The following KANK2 variants were observed in gnomAD, a reference collection of about 807,000 sequenced individuals.
KANK2 encodes the protein KN motif and ankyrin repeat domains 2.
In KANK2, 41 loss-of-function variants were observed where a neutral mutation model predicts 74.6. That is an observed-to-expected ratio of 0.55 (90% CI 0.43 to 0.71). The LOEUF is 0.71. KANK2 is among the 30% of genes least tolerant of loss of function. The pLI is 0.00. For synonymous variants in KANK2, 537 were observed against 519.0 expected (o/e 1.03, Z -0.47); for missense variants, 1,148 against 1,196.4 (o/e 0.96, Z 0.60).
chr19:11,171,403 C>A (rs1159470128), intron 10 of KANK2, among the ~76,000 whole-genome samples: 4 of 151,896 alleles, frequency 2.6e-5, no homozygotes, highest in Non-Finnish European at 5.9e-5. Context: ...GCTGTGATTG[C>A]ACCACTGCAC....
At chr19:11,179,725 C>T (rs2147480059) in intron 4 of KANK2, among the ~76,000 whole-genome samples, 1 of 152,216 alleles carries the variant, frequency 6.6e-6, no homozygotes, top group South Asian at 2.1e-4. Flanking sequence ...AACACCCACC[C>T]AGGTTGGTCT....
rs553876324 is a variant in KANK2 at position 11,166,693 on chromosome 19, A to G, written c.2503-82T>C. The G allele has an allele frequency of 1.5e-4, 205 of 1,335,770 alleles. No individual in the cohort carries two copies. In the Middle Eastern group the frequency reaches 2.5e-3, roughly 16 times the overall value. The allele number at this position is 1,335,770 out of a possible 1,614,324, so 82.7% of individuals were successfully genotyped here. A position where few individuals can be genotyped will look rare whatever the true frequency, so the allele number is the denominator to read the frequency against. On this transcript the variant is annotated intron_variant, in intron 12 of 12. Transcript: ENST00000586659. ...GCCAACGTGGTGGCTGGCCTGGTAGATATGATGGGTAAGCAGGAGGGAGGC... is the reference window on the plus strand; with the variant it reads ...GCCAACGTGGTGGCTGGCCTGGTAGGTATGATGGGTAAGCAGGAGGGAGGC...
chr19:11,166,258 C>T lies in KANK2; in HGVS notation c.*300G>A, dbSNP rs2078020022. ...CATCCATAATTACCAGCTGATTGTT[C>T]TCAATGTTCTTCATAAAACCCACAC... is the stretch of plus-strand genomic sequence containing the variant. On this transcript the variant is annotated 3_prime_UTR_variant, in exon 13 of 13. Transcript: ENST00000586659. The T allele has an allele frequency of 3.3e-6, 1 of 304,030 alleles. No individual in the cohort carries two copies. Among genetic ancestry groups the T allele is most frequent in the African/African-American group, 2.2e-5 (1 of 46,276 alleles). 18.8% of individuals were successfully genotyped at this position (304,030 alleles called of 1,614,324 possible). A position where few individuals can be genotyped will look rare whatever the true frequency, so the allele number is the denominator to read the frequency against.
At chr19:11,185,021 G>C (rs540207447) in intron 4 of KANK2, among the ~76,000 whole-genome samples, 1 of 148,368 alleles carries the variant, frequency 6.7e-6, no homozygotes, top group Admixed American at 6.8e-5. Context: ...ATGTTGGCCA[G>C]GGTGGTCTCG....
In KANK2 at chr19:11,174,618, C is replaced by A; in HGVS notation, c.1923G>T (p.Val641=). 1 of 1,612,660 alleles carries A rather than the reference C, an allele frequency of 6.2e-7. No individual in the cohort carries two copies. Among genetic ancestry groups the A allele is most frequent in the East Asian group, 2.2e-5 (1 of 44,860 alleles). The change falls in exon 9 of 13, where the codon GTG becomes GTT. Residue 641 remains valine (V), a synonymous_variant. Coordinates refer to ENST00000586659, the MANE Select transcript of KANK2 (RefSeq NM_001136191.3). ...ACRSDAHPEL[V]RRHLVTFRAM... ...CCCGGAACGTGACCAGGTGCCGCCG[C>A]ACCAGCTCGGGGTGTGCGTCGCTGC...
rs2078324797 is a variant in KANK2, at chr19:11,175,971, G to A, written c.1779C>T (p.Asp593=). 1 of 1,613,824 alleles carries A rather than the reference G, an allele frequency of 6.2e-7. No individual in the cohort carries two copies. Residue 593 remains aspartate, a synonymous_variant, in exon 8 of 13, where the codon GAC becomes GAT. Transcript: ENST00000586659. The part of the protein sequence containing the change: ...EEEIRMELSP[D]LISACLALEK... ...CCAGGGCCAAGCAGGCTGAGATGAG[G>A]TCAGGGCTTAGCTCCATCCTGCCAG...
Position 11,170,018 on chromosome 19 carries a change from TC to T in KANK2, c.2412+29del. On this transcript the variant is annotated intron_variant, in intron 11 of 12. Transcript: ENST00000586659. The surrounding 1 kb of genome is among the most constrained non-coding windows in gnomAD (Gnocchi z 5.2). ...ACGTCCCCATGCTGTGCTCCCGCCC[TC>T]CCCGGGGTGCACCTGGTTGGAGACT... is the stretch of plus-strand genomic sequence containing the variant. 6.2e-7 allele frequency: 1 copy of T among 1,611,718 alleles called. No homozygotes were observed. Among genetic ancestry groups the T allele is most frequent in the Non-Finnish European group, 8.5e-7 (1 of 1,177,950 alleles).
At position 11,169,890 on chromosome 19, in the gene KANK2, T is replaced by C; in HGVS notation, c.2489A>G (p.Asn830Ser). 6.2e-7 allele frequency: 1 copy of C among 1,614,048 alleles called. No individual in the cohort carries two copies. Among genetic ancestry groups the C allele is most frequent in the Middle Eastern group, 1.6e-4 (1 of 6,062 alleles). ...EIASMLYSRM[N>S]IKCSFAPMSD... The stretch of plus-strand genomic sequence containing the variant: ...ATTGAGACTCACCGAGCACTTGATG[T>C]TCATGCGGGAATACAGCATGGACGC... The change falls in exon 12 of 13, where the codon AAC becomes AGC. Residue 830 changes from asparagine to serine, a missense_variant. Coordinates refer to ENST00000586659, the MANE Select transcript of KANK2 (RefSeq NM_001136191.3).
chr19:11,176,402 T>C (rs1362111553), intron 7 of KANK2, among the ~76,000 whole-genome samples, 176 bp downstream of exon 7: 3 of 152,204 alleles, frequency 2.0e-5, no homozygotes, highest in Non-Finnish European at 4.4e-5. Context: ...CCAGGCCCTT[T>C]AGCAAAGCCT....
chr19:11,166,580 G>T lies in KANK2; in HGVS notation c.2534C>A (p.Thr845Lys). 6.2e-7 allele frequency: 1 copy of T among 1,614,220 alleles called. No homozygotes were observed. Among genetic ancestry groups the T allele is most frequent in the Non-Finnish European group, 8.5e-7 (1 of 1,180,006 alleles). The change falls in exon 13 of 13, where the codon ACA becomes AAA. Residue 845 changes from threonine to lysine, a missense_variant. Physicochemically the swap from Thr to Lys is moderately conservative, Grantham distance 78. Coordinates refer to ENST00000586659, the MANE Select transcript of KANK2 (RefSeq NM_001136191.3). ...CGGCTACTCTTCTGCCGAGGATGATGTAGGGCTCTCGTCATCTGACATTGG... is the reference window on the plus strand; with the variant it reads ...CGGCTACTCTTCTGCCGAGGATGATTTAGGGCTCTCGTCATCTGACATTGG... ...FAPMSDDESPTSSSAEE is the reference protein window; with the variant it reads ...FAPMSDDESPKSSSAEE
chr19:11,194,505 G>T lies in KANK2; in HGVS notation c.7C>A (p.Gln3Lys). The T allele has an allele frequency of 6.2e-7, 1 of 1,612,682 alleles. No individual in the cohort carries two copies. ...AAGGGAGCAGGCACGTGCAGGACCTGGGCCATCTTCTTTTCTACAGATGCT... is the reference window on the plus strand; with the variant it reads ...AAGGGAGCAGGCACGTGCAGGACCTTGGCCATCTTCTTTTCTACAGATGCT... Reference protein sequence around the residue: MAQVLHVPAPFPG... With the variant: MAKVLHVPAPFPG... Residue 3 changes from glutamine (Q) to lysine (K), a missense_variant, in exon 3 of 13, where the codon CAG becomes AAG. Coordinates refer to ENST00000586659, the MANE Select transcript of KANK2 (RefSeq NM_001136191.3).
chr19:11,176,826 G>T lies in KANK2; in HGVS notation c.1521-9C>A. On this transcript the variant is annotated splice_polypyrimidine_tract_variant and intron_variant, in intron 6 of 12. Coordinates refer to ENST00000586659, the MANE Select transcript of KANK2 (RefSeq NM_001136191.3). The stretch of plus-strand genomic sequence containing the variant: ...CGGATGACGACTCATACCTGGGGAG[G>T]AACGAGCGGGGAGGGGGAGATGCTG... The T allele has an allele frequency of 6.7e-7, 1 of 1,501,586 alleles. No homozygotes were observed. The highest frequency in any genetic ancestry group is 8.9e-7 in the Non-Finnish European group (1 of 1,123,604). The allele number at this position is 1,501,586 out of a possible 1,614,324, so 93.0% of individuals were successfully genotyped here. A position where few individuals can be genotyped will look rare whatever the true frequency, so the allele number is the denominator to read the frequency against.
In KANK2 at chr19:11,189,011, G is replaced by C. The variant is rs369813688; in HGVS notation, c.1249+3820C>G. On this transcript the variant is annotated intron_variant, in intron 4 of 12. Transcript: ENST00000586659. The stretch of plus-strand genomic sequence containing the variant: ...AAAAAAAAAAAAAATGCTCCTTTGA[G>C]AGGCTATAGGGCCAAGAGCTGACCT... Among the ~76,000 whole-genome samples the C allele has an allele frequency of 5.3e-5, 8 of 151,272 alleles. No homozygotes were observed. In the South Asian group the frequency reaches 1.7e-3, roughly 32 times the overall value.
chr19:11,173,044 C>T lies in KANK2; in HGVS notation c.2148G>A (p.Gln716=), dbSNP rs1228017399. The T allele has an allele frequency of 5.0e-6, 8 of 1,614,154 alleles. No homozygotes were observed. Among genetic ancestry groups the T allele is most frequent in the Non-Finnish European group, 6.8e-6 (8 of 1,180,012 alleles). The stretch of plus-strand genomic sequence containing the variant: ...GCTGAAGGACAGTCTCGATGTCGTC[C>T]TGGGTCTTCAGGGTGGCCAGGGCGG... ...MLTALATLKT[Q]DDIETVLQLF... Residue 716 remains glutamine (Q), a synonymous_variant, in exon 10 of 13, where the codon CAG becomes CAA. Coordinates refer to ENST00000586659, the MANE Select transcript of KANK2 (RefSeq NM_001136191.3).
chr19:11,177,714 G>A (rs889680067), intron 6 of KANK2, among the ~76,000 whole-genome samples: 2 of 152,068 alleles, frequency 1.3e-5, no homozygotes, highest in Non-Finnish European at 2.9e-5. Flanking sequence ...GGGCTCTCTC[G>A]TGTTTCTTGC....
At position 11,164,720 on chromosome 19, in the gene KANK2, ATCCATCCATCCATCCATC is replaced by A. The variant is rs1568638348; in HGVS notation, c.*1820_*1837del. On this transcript the variant is annotated 3_prime_UTR_variant, in exon 13 of 13. Coordinates refer to ENST00000586659, the MANE Select transcript of KANK2 (RefSeq NM_001136191.3). ...ACACCATCTATCTATTCATCCATCC[ATCCATCCATCCATCCATC>A]CATCCATCCATCCATCCATCCTGCT... is the stretch of plus-strand genomic sequence containing the variant. 10 of 111,630 alleles carry A rather than the reference ATCCATCCATCCATCCATC, an allele frequency of 9.0e-5. No homozygotes were observed. The highest frequency in any genetic ancestry group is 1.6e-4 in the Non-Finnish European group (8 of 48,956). 6.9% of individuals were successfully genotyped at this position (111,630 alleles called of 1,614,324 possible). A position where few individuals can be genotyped will look rare whatever the true frequency, so the allele number is the denominator to read the frequency against.
chr19:11,188,209 T>G (rs1431841291), intron 4 of KANK2, among the ~76,000 whole-genome samples: 3 of 151,470 alleles, frequency 2.0e-5, no homozygotes, highest in African/African-American at 7.3e-5. Context: ...CAAAATAATT[T>G]TTTTTTTTTT....
chr19:11,190,125 ATTTCT>A (rs2078798561), intron 4 of KANK2, among the ~76,000 whole-genome samples: 1 of 127,678 alleles, frequency 7.8e-6, no homozygotes, highest in African/African-American at 3.0e-5. Flanking sequence ...CTGGTTATTT[ATTTCT>A]TTTTTCTTTT....
chr19:11,188,185 G>A (rs370337242), intron 4 of KANK2, among the ~76,000 whole-genome samples: 24 of 151,166 alleles, frequency 1.6e-4, no homozygotes, highest in Admixed American at 4.6e-4. Context: ...ACTCAGTTTT[G>A]GACTCCTGAA....
Sources: allele counts gnomAD v4.1 joint callset (sites outside exome capture counted in the v4.1 genomes callset), GRCh38; gene constraint gnomAD v4.1.1; non-coding constraint Gnocchi (gnomAD v3.1); transcripts MANE v1.5; gene names NCBI Gene and HGNC (gene_info 2026-07-23, HGNC 2026-07-21).